WRN: variants seen among roughly 807,000 people sequenced by gnomAD.
WRN encodes WRN RecQ like helicase.
In WRN, 149 loss-of-function variants were observed where a neutral mutation model predicts 180.7. The ratio of observed to expected loss-of-function variants is 0.82; its 90% CI spans 0.72 to 0.94. WRN has a LOEUF of 0.94. Ranked by LOEUF, WRN falls within the 40% of genes least tolerant of loss-of-function variation. The probability of loss-of-function intolerance (pLI) is 0.00; values close to 1 mark genes in which losing one functional copy is unlikely to be tolerated. For missense variants in WRN, 1,661 were observed against 1,700.1 expected (o/e 0.98, Z 0.40); for synonymous variants, 548 against 568.9 (o/e 0.96, Z 0.52).
chr8:31,089,153 A>C (rs1563343846), intron 13 of WRN, among the ~76,000 whole-genome samples, 188 bp downstream of exon 13: 1 of 152,142 alleles, frequency 6.6e-6, no homozygotes, highest in Non-Finnish European at 1.5e-5. Flanking sequence ...ATTTCTGCAA[A>C]TTGTTTTTAT....
intron 24 of WRN, among the ~76,000 whole-genome samples, chr8:31,138,793 A>T (rs1415843471): frequency 6.6e-6 from 1 of 152,150 alleles, no homozygotes; most frequent in African/African-American, 2.4e-5. Context: ...CATGGTACAG[A>T]TTCTCTTAAC....
Position 31,064,896 on chromosome 8 carries a change from T to G in WRN, c.356-19T>G. The G allele has an allele frequency of 6.2e-7, 1 of 1,612,912 alleles. No individual in the cohort carries two copies. Among genetic ancestry groups the G allele is most frequent in the Non-Finnish European group, 8.5e-7 (1 of 1,179,366 alleles). On this transcript the variant is annotated intron_variant, in intron 4 of 34. Transcript: ENST00000298139. ...TCATACTTGACAGAACTTATGGAAA[T>G]AACAAGAAAATGTTACAGTTTTTCC...
At chr8:31,169,835 C>T (rs1348817059) in intron 34 of WRN, among the ~76,000 whole-genome samples, 1 of 151,998 alleles carries the variant, frequency 6.6e-6, no homozygotes, top group African/African-American at 2.4e-5. Context: ...AATGTGGAGC[C>T]TTCTCCTAGA....
chr8:31,115,936 T>C (rs1166065440), intron 19 of WRN, among the ~76,000 whole-genome samples: 1 of 152,210 alleles, frequency 6.6e-6, no homozygotes, highest in Non-Finnish European at 1.5e-5. Flanking sequence ...AGCTTTATTA[T>C]CATAAGCAAG....
At chr8:31,097,269 G>T (rs1222496027) in intron 17 of WRN, among the ~76,000 whole-genome samples, 1 of 152,022 alleles carries the variant, frequency 6.6e-6, no homozygotes, top group Non-Finnish European at 1.5e-5. Context: ...AGTCAGTGTA[G>T]TGGTTTTGTA....
At chr8:31,139,304 G>T (rs1188931553) in intron 24 of WRN, among the ~76,000 whole-genome samples, 1 of 152,082 alleles carries the variant, frequency 6.6e-6, no homozygotes, top group Non-Finnish European at 1.5e-5. Flanking sequence ...GGATATATAT[G>T]AAATGTAAAA....
intron 24 of WRN, among the ~76,000 whole-genome samples, chr8:31,140,532 C>T (rs910275442): frequency 6.6e-6 from 1 of 151,666 alleles, no homozygotes; most frequent in African/African-American, 2.4e-5. Flanking sequence ...TAGGAATTCT[C>T]CCTTCACTTA....
rs998092080 is a variant in WRN at position 31,174,943 on chromosome 8, C to T, written c.*1841C>T. Among the ~76,000 whole-genome samples the T allele has an allele frequency of 1.3e-5, 2 of 151,154 alleles. No individual in the cohort carries two copies. Among genetic ancestry groups the T allele is most frequent in the African/African-American group, 4.9e-5 (2 of 41,074 alleles). Reference sequence around the variant, plus strand: ...CTTTTTCTTTCTTTCAAGCAGTCCTCCCGCCTCAGTCCCCCAAAATAGTGG... The same window carrying T: ...CTTTTTCTTTCTTTCAAGCAGTCCTTCCGCCTCAGTCCCCCAAAATAGTGG... On this transcript the variant is annotated 3_prime_UTR_variant, in exon 35 of 35. Transcript: ENST00000298139.
intron 1 of WRN, among the ~76,000 whole-genome samples, chr8:31,040,348 T>C (rs903285400): frequency 1.3e-5 from 2 of 152,192 alleles, no homozygotes. Context: ...CATTAGTGTA[T>C]AACAGCTAAT....
At position 31,045,432 on chromosome 8, in the gene WRN, C is replaced by A. The variant is rs1199188047; in HGVS notation, c.-77+11459C>A. Among the ~76,000 whole-genome samples, 3 of 147,558 alleles carry A rather than the reference C, an allele frequency of 2.0e-5. No homozygotes were observed. The East Asian group carries it at 5.9e-4, about 29-fold the overall frequency. ...TTTTTTTTTTTTTGACTGGGAGTCT[C>A]GTTCTTATTGCCCAGGCTGGAGTGC... On this transcript the variant is annotated intron_variant, in intron 1 of 34. Coordinates refer to ENST00000298139, the MANE Select transcript of WRN (RefSeq NM_000553.6).
At chr8:31,114,323 T>C (rs1274243494) in intron 19 of WRN, among the ~76,000 whole-genome samples, 1 of 152,176 alleles carries the variant, frequency 6.6e-6, no homozygotes, top group Non-Finnish European at 1.5e-5. Flanking sequence ...CATAGTACAT[T>C]TAAGTGAGAT....
At chr8:31,131,958 C>CTT (rs71208103) in intron 23 of WRN, among the ~76,000 whole-genome samples, 23 of 123,096 alleles carry the variant, frequency 1.9e-4, no homozygotes, top group South Asian at 2.7e-4. Context: ...AGCTGAAAGG[C>CTT]TTTTTTTTTT....
At chr8:31,034,151 A>G (rs977069235) in intron 1 of WRN, among the ~76,000 whole-genome samples, 178 bp downstream of exon 1, 11 of 152,274 alleles carry the variant, frequency 7.2e-5, no homozygotes, top group Non-Finnish European at 1.3e-4. Flanking sequence ...GCAGCTGGGA[A>G]AGGCGTCTCT....
chr8:31,174,819 TCCTCCCTC>T lies in WRN; in HGVS notation c.*1743_*1750del, dbSNP rs537958118. 0.039 allele frequency among the ~76,000 whole-genome samples: 3,355 copies of T among 86,346 alleles called. 296 individuals are homozygous for T. Among genetic ancestry groups the T allele is most frequent in the East Asian group, 0.34 (1,188 of 3,468 alleles). The allele number at this position is 86,346 out of a possible 152,430, so 56.6% of individuals were successfully genotyped here. On this transcript the variant is annotated 3_prime_UTR_variant, in exon 35 of 35. Transcript: ENST00000298139. ...CCCCTTCCTTCCTTCCTTCCTTCCT[TCCTCCCTC>T]CCTCCCTCCCTCCCTCCCTCCCTCC...
At chr8:31,115,474 A>G (rs1056049091) in intron 19 of WRN, among the ~76,000 whole-genome samples, 22 of 152,198 alleles carry the variant, frequency 1.4e-4, no homozygotes, top group African/African-American at 4.8e-4. Flanking sequence ...ATAATGATGA[A>G]CATTTAGATG....
chr8:31,038,039 A>T (rs548599754), intron 1 of WRN, among the ~76,000 whole-genome samples: 4 of 152,180 alleles, frequency 2.6e-5, no homozygotes, highest in African/African-American at 9.6e-5. Flanking sequence ...GCTATTGTGA[A>T]TAATGCTGTT....
intron 33 of WRN, 59 bp downstream of exon 33, chr8:31,157,589 C>T: frequency 6.3e-7 from 1 of 1,599,548 alleles, no homozygotes; most frequent in Non-Finnish European, 8.5e-7. Flanking sequence ...ACAAGCAATC[C>T]ACTATATTTT....
chr8:31,170,794 C>T (rs1175303899), intron 34 of WRN, among the ~76,000 whole-genome samples: 1 of 152,104 alleles, frequency 6.6e-6, no homozygotes, highest in Non-Finnish European at 1.5e-5. Context: ...ATACTGAAGA[C>T]TTCAAATACT....
chr8:31,056,488 G>C (rs756783321), intron 1 of WRN, among the ~76,000 whole-genome samples: 38 of 152,048 alleles, frequency 2.5e-4, no homozygotes, highest in Non-Finnish European at 4.9e-4. Context: ...TGACGCATGT[G>C]GCAACCCCAA....
Sources: gnomAD v4.1 joint callset for allele counts (sites outside exome capture counted in the v4.1 genomes callset) on GRCh38, gnomAD v4.1.1 for gene constraint, MANE v1.5 for transcripts, NCBI Gene and HGNC (gene_info 2026-07-23, HGNC 2026-07-21) for gene names.